TRMT11: variants seen among roughly 807,000 people sequenced by gnomAD.
TRMT11 encodes the protein tRNA (guanine(10)-N(2))-methyltransferase TRMT11.
In TRMT11, 53 loss-of-function variants were observed where a neutral mutation model predicts 62.8. That is an observed-to-expected ratio of 0.84 (90% confidence interval 0.68 to 1.06). The LOEUF (loss-of-function observed/expected upper bound fraction) is 1.06, where lower values mean the gene tolerates loss of function less well. Ranked by LOEUF, TRMT11 falls within the 50% of genes least tolerant of loss-of-function variation. The pLI is 0.00. For synonymous variants in TRMT11, 188 were observed against 190.3 expected (o/e 0.99, Z 0.10); for missense variants, 556 against 553.4 (o/e 1.00, Z -0.05).
intron 21 of TRMT11, among the ~76,000 whole-genome samples, chr6:126,148,779 A>G (rs537730336): frequency 6.6e-6 from 1 of 152,314 alleles, no homozygotes; most frequent in East Asian, 1.9e-4. Flanking sequence ...TTAAAAATGT[A>G]GTGGTTATCA....
intron 17 of TRMT11, among the ~76,000 whole-genome samples, chr6:126,093,300 A>G (rs934418996): frequency 6.6e-6 from 1 of 151,898 alleles, no homozygotes; most frequent in Non-Finnish European, 1.5e-5. Flanking sequence ...GACACCTGAG[A>G]GACAGAAGTA....
At chr6:126,028,765 C>A (rs1280434606) in intron 12 of TRMT11, among the ~76,000 whole-genome samples, 1 of 152,070 alleles carries the variant, frequency 6.6e-6, no homozygotes, top group East Asian at 1.9e-4. Context: ...CAAAACTCTT[C>A]CCCACTAGCT....
At chr6:126,029,038 C>G (rs1773703223) in intron 12 of TRMT11, among the ~76,000 whole-genome samples, 1 of 152,108 alleles carries the variant, frequency 6.6e-6, no homozygotes, top group South Asian at 2.1e-4. Context: ...TGGGAAGTTT[C>G]TATGTGGAAT....
chr6:126,145,617 G>T (rs867658288), intron 21 of TRMT11, among the ~76,000 whole-genome samples: 1 of 152,132 alleles, frequency 6.6e-6, no homozygotes, highest in Non-Finnish European at 1.5e-5. Flanking sequence ...GGTGGGAGAG[G>T]GGGAGAGAAG....
At chr6:126,125,900 C>G (rs539112408) in intron 21 of TRMT11, among the ~76,000 whole-genome samples, 1 of 152,230 alleles carries the variant, frequency 6.6e-6, no homozygotes, top group South Asian at 2.1e-4. Context: ...TAAGAGCTCT[C>G]TCTTCTTTCT....
At chr6:126,113,683 C>T (rs1777557510) in intron 18 of TRMT11, among the ~76,000 whole-genome samples, 1 of 152,024 alleles carries the variant, frequency 6.6e-6, no homozygotes, top group Non-Finnish European at 1.5e-5. Flanking sequence ...AGAGTGGAGC[C>T]TCAAAAAGTG....
chr6:125,997,968 C>T, intron 3 of TRMT11, 85 bp from the exon 4 acceptor site: 2 of 913,422 alleles, frequency 2.2e-6, no homozygotes, highest in Non-Finnish European at 1.8e-6. Context: ...GTGGAGTGTG[C>T]ATAAAGAACT....
At chr6:126,121,472 T>C (rs114593745) in intron 21 of TRMT11, among the ~76,000 whole-genome samples, 7,770 of 152,180 alleles carry the variant, frequency 0.051, 638 homozygotes, top group African/African-American at 0.17. Flanking sequence ...TCTTTAGTAG[T>C]GTGGAAGAAC....
At chr6:126,135,113 A>G (rs561453346) in intron 21 of TRMT11, among the ~76,000 whole-genome samples, 1 of 151,904 alleles carries the variant, frequency 6.6e-6, no homozygotes, top group South Asian at 2.1e-4. Context: ...TCAAACCCCA[A>G]AATAGTAGAA....
chr6:126,207,281 GA>G (rs1377175699), downstream of TRMT11, among the ~76,000 whole-genome samples: 1 of 152,180 alleles, frequency 6.6e-6, no homozygotes, highest in African/African-American at 2.4e-5. Flanking sequence ...AGGTGAATAT[GA>G]AGGGGTATTG....
the TRMT11 span, among the ~76,000 whole-genome samples, chr6:126,237,680 C>CATAAATAA: frequency 6.6e-6 from 1 of 151,818 alleles, no homozygotes; most frequent in Admixed American, 6.6e-5. Flanking sequence ...GACCGGGTCT[C>CATAAATAA]ATAAATAAAT....
the TRMT11 span, among the ~76,000 whole-genome samples, chr6:126,249,862 A>C: frequency 6.6e-6 from 1 of 152,172 alleles, no homozygotes; most frequent in African/African-American, 2.4e-5. Flanking sequence ...ATCAGAAATT[A>C]GGAGTATGAT....
chr6:126,108,502 C>T (rs1777489332), intron 17 of TRMT11, among the ~76,000 whole-genome samples: 1 of 152,178 alleles, frequency 6.6e-6, no homozygotes, highest in Admixed American at 6.5e-5. Flanking sequence ...ATGTAATCAT[C>T]ATAACAACCT....
At chr6:126,074,977 T>C (rs141573954) in intron 17 of TRMT11, among the ~76,000 whole-genome samples, 64 of 152,326 alleles carry the variant, frequency 4.2e-4, no homozygotes, top group African/African-American at 1.5e-3. Context: ...ATTAATTTTT[T>C]AAAAATAATA....
the TRMT11 span, among the ~76,000 whole-genome samples, chr6:126,265,612 T>C: frequency 1.3e-5 from 2 of 152,064 alleles, no homozygotes; most frequent in Non-Finnish European, 1.5e-5. Context: ...GTTTATAGCT[T>C]TTACCTTTTT....
the TRMT11 span, among the ~76,000 whole-genome samples, chr6:126,267,892 T>A: frequency 6.6e-6 from 1 of 151,350 alleles, no homozygotes; most frequent in African/African-American, 2.4e-5. Flanking sequence ...GCCATGACTA[T>A]TTTTTTTTCT....
intron 17 of TRMT11, among the ~76,000 whole-genome samples, chr6:126,059,796 GAC>G (rs2128124554): frequency 6.6e-6 from 1 of 152,236 alleles, no homozygotes; most frequent in African/African-American, 2.4e-5. Flanking sequence ...ATCTCCTCTA[GAC>G]AGTAAGTACG....
intron 12 of TRMT11, among the ~76,000 whole-genome samples, chr6:126,024,476 C>A (rs1045041037): frequency 2.6e-5 from 4 of 152,230 alleles, no homozygotes; most frequent in African/African-American, 9.7e-5. Context: ...GGCACTATTA[C>A]ACCTCACTGT....
chr6:126,111,810 C>T (rs1188269881), intron 17 of TRMT11, among the ~76,000 whole-genome samples: 1 of 151,854 alleles, frequency 6.6e-6, no homozygotes, highest in Non-Finnish European at 1.5e-5. Flanking sequence ...ACAATAACTT[C>T]CCACTTACAT....
Sources: allele counts gnomAD v4.1 joint callset (sites outside exome capture counted in the v4.1 genomes callset), GRCh38; gene constraint gnomAD v4.1.1; transcripts MANE v1.5; gene names NCBI Gene and HGNC (gene_info 2026-07-23, HGNC 2026-07-21).